The following CLVS2 variants were observed in gnomAD, a reference collection of about 807,000 sequenced individuals.
CLVS2 encodes clavesin-2.
In CLVS2, 19 loss-of-function variants were observed where a neutral mutation model predicts 29.0. The ratio of observed to expected loss-of-function variants is 0.66; its 90% CI spans 0.46 to 0.96. The LOEUF is 0.96. Ranked by LOEUF, CLVS2 falls within the 40% of genes least tolerant of loss-of-function variation. CLVS2 has a pLI of 0.00. For synonymous variants in CLVS2, 161 were observed against 151.3 expected, an observed-to-expected ratio of 1.06 and a Z score of -0.47; for missense variants, 294 against 404.1, an observed-to-expected ratio of 0.73 and a Z score of 2.34.
intron 5 of CLVS2, 27 bp from the exon 6 acceptor site, chr6:123,063,647 C>T: frequency 7.4e-7 from 1 of 1,345,550 alleles, no homozygotes; most frequent in Non-Finnish European, 1.1e-6. Context: ...GGTAATAACT[C>T]ACTGACGTTG....
At chr6:123,020,466 A>G (rs992604146) in intron 3 of CLVS2, among the ~76,000 whole-genome samples, 2 of 152,094 alleles carry the variant, frequency 1.3e-5, no homozygotes, top group African/African-American at 4.8e-5. Flanking sequence ...CAGTTGTCAT[A>G]CAATGAGAAT....
rs9401629 is a variant in CLVS2 at position 123,005,985 on chromosome 6, C to T, written c.390-5000C>T. On this transcript the variant is annotated intron_variant, in intron 2 of 5. Coordinates refer to ENST00000275162, the MANE Select transcript of CLVS2 (RefSeq NM_001010852.4). ...TTGTGCACCCACAGTGTGCAGCGAA[C>T]AGTATTTGGTGCTGAAGATAGAAAG... is the stretch of plus-strand genomic sequence containing the variant. Among the ~76,000 whole-genome samples, 3,832 of 152,236 alleles carry T rather than the reference C, an allele frequency of 0.025. 285 individuals carry two copies. In the East Asian group the frequency reaches 0.28, roughly 11 times the overall value.
At chr6:123,024,260 G>A (rs999866399) in intron 3 of CLVS2, among the ~76,000 whole-genome samples, 4 of 152,098 alleles carry the variant, frequency 2.6e-5, no homozygotes, top group Admixed American at 1.3e-4. Context: ...GATTAAAAAC[G>A]ATTATCATAG....
At chr6:123,010,027 A>G (rs959945573) in intron 2 of CLVS2, among the ~76,000 whole-genome samples, 1 of 152,016 alleles carries the variant, frequency 6.6e-6, no homozygotes, top group African/African-American at 2.4e-5. Context: ...ATTCCCAGCC[A>G]TTTCCAACAG....
At chr6:123,049,312 A>C (rs905823921) in intron 4 of CLVS2, among the ~76,000 whole-genome samples, 8 of 152,162 alleles carry the variant, frequency 5.3e-5, no homozygotes, top group African/African-American at 1.9e-4. Flanking sequence ...AAAACAAAAT[A>C]ATTTTTCTGA....
At chr6:123,061,246 G>A (rs542246594) in intron 5 of CLVS2, among the ~76,000 whole-genome samples, 80 of 152,070 alleles carry the variant, frequency 5.3e-4, no homozygotes, top group African/African-American at 1.8e-3. Context: ...GCGGTGAGCC[G>A]AGATGGTGCC....
chr6:123,053,477 T>A (rs1188237939), intron 4 of CLVS2, among the ~76,000 whole-genome samples: 1 of 152,184 alleles, frequency 6.6e-6, no homozygotes, highest in Admixed American at 6.5e-5. Context: ...TCATCTATTA[T>A]ACCCATTGCT....
chr6:122,996,264 G>A lies in CLVS2; in HGVS notation c.-1042G>A, dbSNP rs988576379. On this transcript the variant is annotated 5_prime_UTR_variant, in exon 1 of 6. Coordinates refer to ENST00000275162, the MANE Select transcript of CLVS2 (RefSeq NM_001010852.4). ...TCTTTCAGCAGCAGCAGCCGGAGCC[G>A]CCGCCGCAGCCCGGTGGGGCAACCC... is the stretch of plus-strand genomic sequence containing the variant. The A allele has an allele frequency of 3.2e-5, 5 of 156,408 alleles. No individual in the cohort carries two copies. Among genetic ancestry groups the A allele is most frequent in the East Asian group, 1.9e-4 (1 of 5,326 alleles). 9.7% of individuals were successfully genotyped at this position (156,408 alleles called of 1,614,324 possible).
At chr6:123,007,925 A>G (rs1301418542) in intron 2 of CLVS2, among the ~76,000 whole-genome samples, 1 of 152,166 alleles carries the variant, frequency 6.6e-6, no homozygotes, top group Non-Finnish European at 1.5e-5. Flanking sequence ...AGTGACCTCT[A>G]ATTTGTAAAT....
At chr6:123,017,489 T>A in intron 3 of CLVS2, among the ~76,000 whole-genome samples, 1 of 152,062 alleles carries the variant, frequency 6.6e-6, no homozygotes, top group East Asian at 1.9e-4. Flanking sequence ...ACAAGGGTAG[T>A]GTGTAAAAAA....
rs568243536 is a variant in CLVS2, at chr6:123,067,166, T to G, written c.*3405T>G. 6.6e-6 allele frequency: 1 copy of G among 151,880 alleles called. No homozygotes were observed. Among genetic ancestry groups the G allele is most frequent in the South Asian group, 2.1e-4 (1 of 4,832 alleles). The allele number at this position is 151,880 out of a possible 1,614,324, so 9.4% of individuals were successfully genotyped here. On this transcript the variant is annotated 3_prime_UTR_variant, in exon 6 of 6. Transcript: ENST00000275162. The stretch of plus-strand genomic sequence containing the variant: ...AAAAATTCATACATTAATACTTAGC[T>G]TTTTTAATACTGTTAACTAGGTCAT...
chr6:123,043,586 G>A (rs962763131), intron 3 of CLVS2, among the ~76,000 whole-genome samples: 1 of 152,084 alleles, frequency 6.6e-6, no homozygotes, highest in Non-Finnish European at 1.5e-5. Flanking sequence ...TTACGCATAC[G>A]ATTTCTGCTT....
intron 2 of CLVS2, among the ~76,000 whole-genome samples, chr6:123,010,435 T>C (rs372396870): frequency 1.3e-5 from 2 of 152,192 alleles, no homozygotes; most frequent in East Asian, 3.9e-4. Flanking sequence ...TAAATTTCCA[T>C]GACTTTTCCC....
chr6:123,067,351 GA>G lies in CLVS2; in HGVS notation c.*3591del, dbSNP rs1248043636. The G allele has an allele frequency of 6.6e-6, 1 of 151,566 alleles. No individual in the cohort carries two copies. The highest frequency in any genetic ancestry group is 1.5e-5 in the Non-Finnish European group (1 of 67,706). 9.4% of individuals were successfully genotyped at this position (151,566 alleles called of 1,614,324 possible). A position where few individuals can be genotyped will look rare whatever the true frequency, so the allele number is the denominator to read the frequency against. On this transcript the variant is annotated 3_prime_UTR_variant, in exon 6 of 6. Transcript: ENST00000275162. ...CATGGAGTATGTCTTCAGGGACAGG[GA>G]TCATTTGCTTCTACAATGTAAAGGT...
chr6:123,039,476 T>G (rs545101040), intron 3 of CLVS2, among the ~76,000 whole-genome samples: 52 of 152,284 alleles, frequency 3.4e-4, no homozygotes, highest in African/African-American at 1.3e-3. Context: ...AGGCGGTAGT[T>G]TTTGCTCTGC....
chr6:123,024,882 G>C (rs1049991537), intron 3 of CLVS2, among the ~76,000 whole-genome samples: 8 of 151,970 alleles, frequency 5.3e-5, no homozygotes, highest in Non-Finnish European at 8.8e-5. Context: ...TGTGTTCCTA[G>C]GAGAAATATA....
rs759838761 is a variant in CLVS2, at chr6:122,997,805, C to G, written c.28C>G (p.Pro10Ala). Residue 10 changes from proline to alanine, a missense_variant, in exon 2 of 6, where the codon CCT becomes GCT. Around this residue, in one of 2 missense-constraint regions of CLVS2, gnomAD observed 212 missense variants for 336.4 expected, o/e 0.63. Coordinates refer to ENST00000275162, the MANE Select transcript of CLVS2 (RefSeq NM_001010852.4). MTHLQAGLS[P>A]ETLEKARLEL... The stretch of plus-strand genomic sequence containing the variant: ...GACTCATTTGCAAGCCGGTCTCTCC[C>G]CTGAGACCCTGGAGAAAGCTCGCCT... 6.2e-7 allele frequency: 1 copy of G among 1,614,030 alleles called. No homozygotes were observed. Among genetic ancestry groups the G allele is most frequent in the Non-Finnish European group, 8.5e-7 (1 of 1,179,994 alleles).
rs1582670905 is a variant in CLVS2, at chr6:123,070,258, T to C, written c.*6497T>C. 6.6e-6 allele frequency: 1 copy of C among 151,894 alleles called. No individual in the cohort carries two copies. Among genetic ancestry groups the C allele is most frequent in the East Asian group, 1.9e-4 (1 of 5,186 alleles). The allele number at this position is 151,894 out of a possible 1,614,324, so 9.4% of individuals were successfully genotyped here. ...CCCTGCTTCCCCTTTAGCCTTCTCA[T>C]CTCACTATGTGTCGACCCCAATCTT... On this transcript the variant is annotated 3_prime_UTR_variant, in exon 6 of 6. Coordinates refer to ENST00000275162, the MANE Select transcript of CLVS2 (RefSeq NM_001010852.4).
chr6:123,035,790 G>T (rs1003689017), intron 3 of CLVS2, among the ~76,000 whole-genome samples: 1 of 152,130 alleles, frequency 6.6e-6, no homozygotes, highest in African/African-American at 2.4e-5. Context: ...GGAAAAAGTT[G>T]AAGCTAGGGA....
Sources: gnomAD v4.1 joint callset for allele counts (sites outside exome capture counted in the v4.1 genomes callset) on GRCh38, gnomAD v4.1.1 for gene constraint, gnomAD v4.1.1 regional missense constraint, MANE v1.5 for transcripts, NCBI Gene and HGNC (gene_info 2026-07-23, HGNC 2026-07-21) for gene names.